Variants in C6orf118 observed in about 807,000 individuals in gnomAD.
C6orf118 encodes the protein uncharacterized protein C6orf118.
In C6orf118, 50 loss-of-function variants were observed where a neutral mutation model predicts 50.2. The ratio of observed to expected loss-of-function variants is 1.00; its 90% CI spans 0.79 to 1.26. C6orf118 has a LOEUF of 1.26. Ranked by LOEUF, C6orf118 falls within the 50% of genes most tolerant of loss-of-function variation. The probability of loss-of-function intolerance (pLI) is 0.00; values close to 1 mark genes in which losing one functional copy is unlikely to be tolerated. For synonymous variants in C6orf118, 239 were observed against 230.9 expected, an observed-to-expected ratio of 1.03 and a Z score of -0.32; for missense variants, 641 against 578.7, an observed-to-expected ratio of 1.11 and a Z score of -1.10.
chr6:165,299,131 G>C (rs895496915), intron 4 of C6orf118, among the ~76,000 whole-genome samples: 2 of 152,186 alleles, frequency 1.3e-5, no homozygotes, highest in Non-Finnish European at 2.9e-5. Flanking sequence ...CAGTGATTTC[G>C]CCAGGACAAT....
At chr6:165,302,679 T>C (rs1190771688) in intron 1 of C6orf118, among the ~76,000 whole-genome samples, 1 of 152,208 alleles carries the variant, frequency 6.6e-6, no homozygotes, top group East Asian at 1.9e-4. Flanking sequence ...TTTAACGTAT[T>C]TCACCGGCCG....
At chr6:165,303,412 T>A (rs962225446) in intron 1 of C6orf118, among the ~76,000 whole-genome samples, 7 of 148,578 alleles carry the variant, frequency 4.7e-5, no homozygotes, top group Admixed American at 4.7e-4. Context: ...TTAAAAGAAC[T>A]AGAAAAGCAA....
intron 5 of C6orf118, among the ~76,000 whole-genome samples, chr6:165,294,424 T>C (rs1214974056): frequency 1.3e-5 from 2 of 152,164 alleles, no homozygotes; most frequent in African/African-American, 4.8e-5. Context: ...GTCTAACAGG[T>C]ATTACATATT....
chr6:165,299,668 T>TA (rs1232887114), intron 3 of C6orf118, among the ~76,000 whole-genome samples, 166 bp from the exon 4 acceptor site: 1 of 152,222 alleles, frequency 6.6e-6, no homozygotes, highest in South Asian at 2.1e-4. Context: ...CTCACATTGA[T>TA]AAAATCACAC....
At position 165,305,053 on chromosome 6, in the gene C6orf118, C is replaced by A. The variant is rs1170235224; in HGVS notation, c.26-2757G>T. Among the ~76,000 whole-genome samples the A allele has an allele frequency of 1.4e-4, 11 of 81,186 alleles. 2 individuals are homozygous for A. In the Admixed American group the frequency reaches 1.5e-3, roughly 11 times the overall value. 53.3% of individuals were successfully genotyped at this position (81,186 alleles called of 152,430 possible). Reference sequence around the variant, plus strand: ...CAAAAGAACAAAGCTGGAGGCATCACACTCCCTGACTTCAAACTATACTAC... The same window carrying A: ...CAAAAGAACAAAGCTGGAGGCATCAAACTCCCTGACTTCAAACTATACTAC... On this transcript the variant is annotated intron_variant, in intron 1 of 8. Transcript: ENST00000230301.
chr6:165,302,398 T>A, intron 1 of C6orf118, 102 bp from the exon 2 acceptor site: 1 of 1,412,040 alleles, frequency 7.1e-7, no homozygotes, highest in Non-Finnish European at 9.5e-7. Flanking sequence ...CAAAAGAGGG[T>A]CTATGGAGAA....
At chr6:165,307,569 A>AAAT (rs1554233121) in intron 1 of C6orf118, among the ~76,000 whole-genome samples, 32 of 148,890 alleles carry the variant, frequency 2.1e-4, no homozygotes, top group African/African-American at 7.6e-4. Flanking sequence ...AAAAAAAAAA[A>AAAT]TTTTTTTTAA....
chr6:165,279,940 G>A lies in C6orf118; in HGVS notation c.*117C>T. The A allele has an allele frequency of 9.5e-7, 1 of 1,048,256 alleles. No individual in the cohort carries two copies. Among genetic ancestry groups the A allele is most frequent in the Non-Finnish European group, 1.4e-6 (1 of 731,022 alleles). 64.9% of individuals were successfully genotyped at this position (1,048,256 alleles called of 1,614,324 possible). On this transcript the variant is annotated 3_prime_UTR_variant, in exon 9 of 9. Coordinates refer to ENST00000230301, the MANE Select transcript of C6orf118 (RefSeq NM_144980.4). ...CATATACCACATTAATTTTACTAGA[G>A]ATTAAAGCTGATGAAATGAAATGTA...
At chr6:165,298,202 TAA>T in intron 4 of C6orf118, 101 bp from the exon 5 acceptor site, 1 of 1,403,896 alleles carries the variant, frequency 7.1e-7, no homozygotes, top group Non-Finnish European at 9.3e-7. Context: ...TGCCCTGGGT[TAA>T]CATATAAGTT....
At position 165,300,486 on chromosome 6, in the gene C6orf118, C is replaced by T. The variant is rs1438120563; in HGVS notation, c.754G>A (p.Glu252Lys). 1.2e-6 allele frequency: 2 copies of T among 1,608,032 alleles called. No individual in the cohort carries two copies. The highest frequency in any genetic ancestry group is 1.7e-5 in the Admixed American group (1 of 59,382). ...AAGHERKLQQ[E>K]LQKICTCSPQ... Reference sequence around the variant, plus strand: ...CTGCACGTGCAAATTTTCTGGAGCTCCTGGAGGAAAAACAGAGTCAGCCCA... The same window carrying T: ...CTGCACGTGCAAATTTTCTGGAGCTTCTGGAGGAAAAACAGAGTCAGCCCA... The change falls in exon 3 of 9, where the codon GAG becomes AAG. Residue 252 changes from glutamate (E) to lysine (K), a missense_variant and splice_region_variant. Physicochemically the swap from Glu to Lys is moderately conservative, Grantham distance 56 (BLOSUM62 1). Transcript: ENST00000230301.
chr6:165,299,444 T>A lies in C6orf118; in HGVS notation c.935A>T (p.Glu312Val). The A allele has an allele frequency of 6.2e-7, 1 of 1,613,866 alleles. No homozygotes were observed. The highest frequency in any genetic ancestry group is 1.7e-5 in the Admixed American group (1 of 60,000). Residue 312 changes from glutamate to valine, a missense_variant and splice_region_variant, in exon 4 of 9, where the codon GAG (glutamate) becomes GTG (valine). By Grantham distance (121) the Glu-to-Val change is moderately radical. Coordinates refer to ENST00000230301, the MANE Select transcript of C6orf118 (RefSeq NM_144980.4). ...AGGCTCTTTGTGATCGATCGTCACC[T>A]CGTACTGTGCTGCAGGCTGGGACTC... is the stretch of plus-strand genomic sequence containing the variant. ...LLESQPAAQYEALLAQLKALG... is the reference protein window; with the variant it reads ...LLESQPAAQYVALLAQLKALG...
intron 4 of C6orf118, 34 bp from the exon 5 acceptor site, chr6:165,298,135 C>T: frequency 2.6e-6 from 4 of 1,536,068 alleles, no homozygotes; most frequent in Non-Finnish European, 3.5e-6. Context: ...GTGAGACAAG[C>T]ACACAGGGAG....
Position 165,293,344 on chromosome 6 carries a change from C to T in C6orf118, c.1120+69G>A, listed in dbSNP as rs781077314. ...CCAAGTTGACAGACAGGCAGCCACA[C>T]TGCAGCAGCTGAAATAATGAAGGTC... On this transcript the variant is annotated intron_variant, in intron 6 of 8. Transcript: ENST00000230301. 5.0e-6 allele frequency: 7 copies of T among 1,401,192 alleles called. No individual in the cohort carries two copies. In the South Asian group the frequency reaches 5.7e-5, roughly 12 times the overall value. The allele number at this position is 1,401,192 out of a possible 1,614,324, so 86.8% of individuals were successfully genotyped here.
Position 165,301,715 on chromosome 6 carries a change from T to A in C6orf118, c.607A>T (p.Ser203Cys). The A allele has an allele frequency of 6.2e-7, 1 of 1,614,162 alleles. No homozygotes were observed. Among genetic ancestry groups the A allele is most frequent in the South Asian group, 1.1e-5 (1 of 91,082 alleles). ...CTGGTGGCTCCGGCCAGGTAGGAGC[T>A]GACATAGTGGTGCCGGTCCCTGGTG... ...RGTRDRHHYVSSYLAGATSAD... is the reference protein window; with the variant it reads ...RGTRDRHHYVCSYLAGATSAD... Residue 203 changes from serine to cysteine, a missense_variant, in exon 2 of 9, where the codon AGC (serine) becomes TGC (cysteine). Physicochemically the swap from Ser to Cys is moderately radical, Grantham distance 112. Transcript: ENST00000230301.
At position 165,301,902 on chromosome 6, in the gene C6orf118, G is replaced by T; in HGVS notation, c.420C>A (p.His140Gln). 1 of 1,613,858 alleles carries T rather than the reference G, an allele frequency of 6.2e-7. No individual in the cohort carries two copies. The highest frequency in any genetic ancestry group is 8.5e-7 in the Non-Finnish European group (1 of 1,180,022). The change falls in exon 2 of 9, where the codon CAC becomes CAA. Residue 140 changes from histidine (H) to glutamine (Q), a missense_variant. By Grantham distance (24) the His-to-Gln change is conservative. Transcript: ENST00000230301. ...RYLNPQASLSHTSEEDFLPVE... is the reference protein window; with the variant it reads ...RYLNPQASLSQTSEEDFLPVE... ...CTGGAAGGAAATCCTCCTCTGAAGTGTGGGAAAGAGAGGCCTGGGGGTTCA... is the reference window on the plus strand; with the variant it reads ...CTGGAAGGAAATCCTCCTCTGAAGTTTGGGAAAGAGAGGCCTGGGGGTTCA...
intron 3 of C6orf118, among the ~76,000 whole-genome samples, chr6:165,300,110 T>A (rs1417661202): frequency 6.6e-6 from 1 of 152,224 alleles, no homozygotes; most frequent in Non-Finnish European, 1.5e-5. Flanking sequence ...TATAAACGGT[T>A]ATGCATAATT....
intron 1 of C6orf118, among the ~76,000 whole-genome samples, chr6:165,305,146 C>G (rs1780679062): frequency 1.8e-5 from 1 of 55,574 alleles, no homozygotes; most frequent in South Asian, 8.9e-4. Context: ...TGGAACAGAA[C>G]AGAGCCCTCA....
At chr6:165,308,605 C>T (rs1780828964) in intron 1 of C6orf118, among the ~76,000 whole-genome samples, 1 of 152,152 alleles carries the variant, frequency 6.6e-6, no homozygotes, top group Admixed American at 6.5e-5. Flanking sequence ...TCTTTGTATA[C>T]AAAGAAGAGA....
At chr6:165,290,755 C>G (rs1029817571) in intron 6 of C6orf118, among the ~76,000 whole-genome samples, 4 of 152,116 alleles carry the variant, frequency 2.6e-5, no homozygotes, top group African/African-American at 9.7e-5. Flanking sequence ...TCAGAAAGAC[C>G]TGTTGGGAAG....
Sources: gnomAD v4.1 joint callset for allele counts (sites outside exome capture counted in the v4.1 genomes callset) on GRCh38, gnomAD v4.1.1 for gene constraint, MANE v1.5 for transcripts, NCBI Gene and HGNC (gene_info 2026-07-23, HGNC 2026-07-21) for gene names.